The following ZBTB41 variants were observed in gnomAD, a reference collection of about 807,000 sequenced individuals.
ZBTB41 encodes the protein zinc finger and BTB domain containing 41, also known as zinc finger and BTB domain-containing protein 41.
ZBTB41 carries 42 observed loss-of-function variants against 87.6 expected under a neutral mutation model. The ratio of observed to expected loss-of-function variants is 0.48; its 90% CI spans 0.37 to 0.62. The LOEUF is 0.62. Among genes scored for constraint, ZBTB41 ranks in the 20% least tolerant of loss-of-function variants. The pLI, the probability that ZBTB41 is intolerant of heterozygous loss-of-function variation, is 0.00. For synonymous variants in ZBTB41, 364 were observed against 364.0 expected, an observed-to-expected ratio of 1.00 and a Z score of 0.00; for missense variants, 799 against 1,078.9, an observed-to-expected ratio of 0.74 and a Z score of 3.63.
At chr1:197,174,509 CT>C (rs1659555081) in intron 9 of ZBTB41, among the ~76,000 whole-genome samples, 2 of 152,054 alleles carry the variant, frequency 1.3e-5, no homozygotes, top group Admixed American at 1.3e-4. Context: ...GCCCAAATGC[CT>C]AACCCCAAAA....
chr1:197,176,940 C>A (rs1659623784), intron 7 of ZBTB41, among the ~76,000 whole-genome samples: 2 of 152,198 alleles, frequency 1.3e-5, no homozygotes, highest in South Asian at 2.1e-4. Context: ...CATATTAGAT[C>A]CTAAATCTAG....
In ZBTB41 at chr1:197,159,817, T is replaced by A. The variant is rs1216027198; in HGVS notation, c.2272A>T (p.Thr758Ser). The change falls in exon 11 of 11, where the codon ACT becomes TCT. Residue 758 changes from threonine to serine, a missense_variant. Thr to Ser is a moderately conservative substitution (Grantham distance 58). Transcript: ENST00000367405. Reference protein sequence around the residue: ...EIKSPDDPLSTSEEKLVSLPV... With the variant: ...EIKSPDDPLSSSEEKLVSLPV... ...AAGGATACAAGTTTTTCCTCAGAAG[T>A]ACTGAGAGGATCATCAGGAGATTTT... 1.9e-6 allele frequency: 3 copies of A among 1,613,892 alleles called. No individual in the cohort carries two copies. Among genetic ancestry groups the A allele is most frequent in the African/African-American group, 2.7e-5 (2 of 74,916 alleles).
At chr1:197,163,587 G>T (rs1476544764) in intron 10 of ZBTB41, among the ~76,000 whole-genome samples, 2 of 151,396 alleles carry the variant, frequency 1.3e-5, no homozygotes, top group Non-Finnish European at 2.9e-5. Flanking sequence ...ATAAAAGAAA[G>T]ACATCAAGTC....
chr1:197,199,419 A>G lies in ZBTB41; in HGVS notation c.1055T>C (p.Val352Ala). The change falls in exon 2 of 11, where the codon GTC becomes GCC. Residue 352 changes from valine (V) to alanine (A), a missense_variant. Transcript: ENST00000367405. ...GNVHEGLTPV[V>A]IQNSNKKILQ... Reference sequence around the variant, plus strand: ...TATTTTTTTGTTGCTGTTCTGAATGACCACTGGAGTTAACCCCTCATGAAC... The same window carrying G: ...TATTTTTTTGTTGCTGTTCTGAATGGCCACTGGAGTTAACCCCTCATGAAC... 1.9e-6 allele frequency: 3 copies of G among 1,602,178 alleles called. No individual in the cohort carries two copies. In the South Asian group the frequency reaches 3.4e-5, roughly 18 times the overall value.
At chr1:197,179,701 G>A (rs1207391161) in intron 6 of ZBTB41, among the ~76,000 whole-genome samples, 2 of 151,860 alleles carry the variant, frequency 1.3e-5, no homozygotes, top group African/African-American at 4.8e-5. Flanking sequence ...CTGACCCTGT[G>A]TAGGCCTAGG....
chr1:197,200,804 G>GCA (rs1206332385), intron 1 of ZBTB41, among the ~76,000 whole-genome samples: 2 of 152,192 alleles, frequency 1.3e-5, no homozygotes, highest in Non-Finnish European at 2.9e-5. Flanking sequence ...AGGAACCCAG[G>GCA]CACACCTTCC....
At chr1:197,178,576 A>T in intron 6 of ZBTB41, 64 bp from the exon 7 acceptor site, 1 of 1,160,930 alleles carries the variant, frequency 8.6e-7, no homozygotes, top group Non-Finnish European at 1.2e-6. Context: ...AGATTTCTGG[A>T]AAACTTACTA....
At position 197,154,384 on chromosome 1, in the gene ZBTB41, A is replaced by T. The variant is rs891958786; in HGVS notation, c.*4975T>A. 1 of 152,032 alleles carries T rather than the reference A, an allele frequency of 6.6e-6. No individual in the cohort carries two copies. Among genetic ancestry groups the T allele is most frequent in the Non-Finnish European group, 1.5e-5 (1 of 67,930 alleles). 9.4% of individuals were successfully genotyped at this position (152,032 alleles called of 1,614,324 possible). On this transcript the variant is annotated 3_prime_UTR_variant, in exon 11 of 11. Coordinates refer to ENST00000367405, the MANE Select transcript of ZBTB41 (RefSeq NM_194314.3). ...AATTTCTCCTCTGAATATAATCCTT[A>T]ATTTCTCTTTATGTAATTGGCTGCA...
chr1:197,167,633 C>T (rs78734247), intron 10 of ZBTB41, among the ~76,000 whole-genome samples: 2,087 of 152,082 alleles, frequency 0.014, 43 homozygotes, highest in African/African-American at 0.048. Flanking sequence ...TCAATCAGTA[C>T]AATTTACCAC....
intron 7 of ZBTB41, 95 bp downstream of exon 7, chr1:197,178,321 GA>G: frequency 1.2e-6 from 1 of 861,960 alleles, no homozygotes; most frequent in South Asian, 2.2e-5. Flanking sequence ...TAAGGACTAA[GA>G]AATGTTTCAA....
At chr1:197,163,505 A>C (rs114777346) in intron 10 of ZBTB41, among the ~76,000 whole-genome samples, 2 of 151,978 alleles carry the variant, frequency 1.3e-5, no homozygotes, top group Non-Finnish European at 2.9e-5. Context: ...ACATGTAATC[A>C]AAGTCTCAGG....
rs1321744749 is a variant in ZBTB41, at chr1:197,156,582, TC to T, written c.*2776del. The T allele has an allele frequency of 6.6e-6, 1 of 152,202 alleles. No homozygotes were observed. Among genetic ancestry groups the T allele is most frequent in the Non-Finnish European group, 1.5e-5 (1 of 67,734 alleles). The allele number at this position is 152,202 out of a possible 1,614,324, so 9.4% of individuals were successfully genotyped here. On this transcript the variant is annotated 3_prime_UTR_variant, in exon 11 of 11. Coordinates refer to ENST00000367405, the MANE Select transcript of ZBTB41 (RefSeq NM_194314.3). ...ACTCTAAATCAAATATTACAAAAGGTCAACTGAAAAGAATAGGCCTCCTTTT... is the reference window on the plus strand; with the variant it reads ...ACTCTAAATCAAATATTACAAAAGGTAACTGAAAAGAATAGGCCTCCTTTT...
At chr1:197,172,290 A>C in intron 9 of ZBTB41, 42 bp from the exon 10 acceptor site, 1 of 643,470 alleles carries the variant, frequency 1.6e-6, no homozygotes, top group South Asian at 4.8e-5. Context: ...TATAATTTTA[A>C]TAACTATAAT....
At chr1:197,199,191 A>T (rs1364455610) in intron 2 of ZBTB41, among the ~76,000 whole-genome samples, 163 bp downstream of exon 2, 1 of 152,168 alleles carries the variant, frequency 6.6e-6, no homozygotes, top group Non-Finnish European at 1.5e-5. Flanking sequence ...GAATCACAAC[A>T]ACTTTAAAGT....
At chr1:197,163,349 C>A (rs1659243472) in intron 10 of ZBTB41, among the ~76,000 whole-genome samples, 1 of 151,684 alleles carries the variant, frequency 6.6e-6, no homozygotes, top group Non-Finnish European at 1.5e-5. Flanking sequence ...ACACTCAAAG[C>A]AAATATTATA....
intron 2 of ZBTB41, among the ~76,000 whole-genome samples, chr1:197,195,036 A>T (rs1660130588): frequency 6.6e-6 from 1 of 152,198 alleles, no homozygotes; most frequent in East Asian, 1.9e-4. Flanking sequence ...GGCACTCCTC[A>T]GCACAAACAG....
chr1:197,155,578 C>A lies in ZBTB41; in HGVS notation c.*3781G>T, dbSNP rs1659045908. On this transcript the variant is annotated 3_prime_UTR_variant, in exon 11 of 11. Transcript: ENST00000367405. ...TAGGAAGAAAACTCAAGCTTATAAACATATTAGTTTAACTGTGTTTTTAAT... is the reference window on the plus strand; with the variant it reads ...TAGGAAGAAAACTCAAGCTTATAAAAATATTAGTTTAACTGTGTTTTTAAT... 1 of 152,170 alleles carries A rather than the reference C, an allele frequency of 6.6e-6. No homozygotes were observed. Among genetic ancestry groups the A allele is most frequent in the South Asian group, 2.1e-4 (1 of 4,830 alleles). The allele number at this position is 152,170 out of a possible 1,614,324, so 9.4% of individuals were successfully genotyped here.
intron 10 of ZBTB41, among the ~76,000 whole-genome samples, chr1:197,161,276 C>T (rs1659193478): frequency 6.6e-6 from 1 of 152,042 alleles, no homozygotes; most frequent in African/African-American, 2.4e-5. Flanking sequence ...ACTAATACTG[C>T]AGTAGACACA....
At chr1:197,197,527 G>C (rs1326885754) in intron 2 of ZBTB41, among the ~76,000 whole-genome samples, 1 of 148,938 alleles carries the variant, frequency 6.7e-6, no homozygotes, top group Non-Finnish European at 1.5e-5. Flanking sequence ...TGGAAAAAAA[G>C]GAAGGGGAAG....
Sources: allele counts gnomAD v4.1 joint callset (sites outside exome capture counted in the v4.1 genomes callset), GRCh38; gene constraint gnomAD v4.1.1; transcripts MANE v1.5; gene names NCBI Gene and HGNC (gene_info 2026-07-23, HGNC 2026-07-21).